Variants in SYT10 observed in about 807,000 individuals in gnomAD.
SYT10 encodes the protein synaptotagmin-10.
SYT10 carries 31 observed loss-of-function variants against 51.1 expected under a neutral mutation model. That is an observed-to-expected ratio of 0.61 (90% confidence interval 0.46 to 0.82). The LOEUF (loss-of-function observed/expected upper bound fraction) is 0.82. SYT10 is among the 40% of genes least tolerant of loss of function. The pLI, the probability that SYT10 is intolerant of heterozygous loss-of-function variation, is 0.00. For missense variants in SYT10, 603 were observed against 634.0 expected (o/e 0.95, Z 0.53); for synonymous variants, 233 against 225.9 (o/e 1.03, Z -0.28).
At chr12:33,420,499 A>G (rs1449639990) in intron 2 of SYT10, among the ~76,000 whole-genome samples, 1 of 151,968 alleles carries the variant, frequency 6.6e-6, no homozygotes, top group African/African-American at 2.4e-5. Flanking sequence ...AAAATAAAAA[A>G]TAATTAGCTG....
intron 2 of SYT10, among the ~76,000 whole-genome samples, chr12:33,409,582 CG>C (rs1866388603): frequency 1.3e-5 from 2 of 151,278 alleles, no homozygotes; most frequent in Admixed American, 1.3e-4. Flanking sequence ...GGCGTGATCT[CG>C]GCTCACTGCG....
In SYT10 at chr12:33,407,039, A is replaced by T. The variant is rs752525618; in HGVS notation, c.827T>A (p.Leu276His). The change falls in exon 3 of 7, where the codon CTT (leucine) becomes CAT (histidine). Residue 276 changes from leucine to histidine, a missense_variant. Leu to His is a moderately conservative substitution (Grantham distance 99). Coordinates refer to ENST00000228567, the MANE Select transcript of SYT10 (RefSeq NM_198992.4). ...TSDPYVKMYLLPDRKKKFQTR... is the reference protein window; with the variant it reads ...TSDPYVKMYLHPDRKKKFQTR... ...CTGAAATTTCTTTTTCCTATCTGGA[A>T]GAAGATACATCTTCACATAAGGGTC... 2 of 1,614,196 alleles carry T rather than the reference A, an allele frequency of 1.2e-6. No homozygotes were observed. The highest frequency in any genetic ancestry group is 1.7e-6 in the Non-Finnish European group (2 of 1,180,014).
chr12:33,382,473 T>G lies in SYT10; in HGVS notation c.1246A>C (p.Lys416Gln), dbSNP rs1480650135. ...TTTTTCTTTGTAGTTGTTTTCCTCT[T>G]TTTTAATCTTCGACCTTCACACATC... Reference protein sequence around the residue: ...SLMCEGRRLKKRKTTTKKNTL... With the variant: ...SLMCEGRRLKQRKTTTKKNTL... Residue 416 changes from lysine (K) to glutamine (Q), a missense_variant, in exon 5 of 7, where the codon AAG becomes CAG. Physicochemically the swap from Lys to Gln is moderately conservative, Grantham distance 53 (BLOSUM62 1). Coordinates refer to ENST00000228567, the MANE Select transcript of SYT10 (RefSeq NM_198992.4). 4.3e-6 allele frequency: 7 copies of G among 1,613,488 alleles called. No homozygotes were observed. Among genetic ancestry groups the G allele is most frequent in the Non-Finnish European group, 5.9e-6 (7 of 1,179,652 alleles).
chr12:33,384,086 C>T (rs1417745088), intron 4 of SYT10, among the ~76,000 whole-genome samples: 1 of 152,132 alleles, frequency 6.6e-6, no homozygotes, highest in Non-Finnish European at 1.5e-5. Flanking sequence ...CATGACATAG[C>T]TCAAAAATCC....
intron 3 of SYT10, among the ~76,000 whole-genome samples, chr12:33,394,548 C>T (rs1020282782): frequency 6.6e-6 from 1 of 152,136 alleles, no homozygotes; most frequent in Admixed American, 6.5e-5. Context: ...GGATAACTGA[C>T]AATTAGAAAC....
intron 3 of SYT10, among the ~76,000 whole-genome samples, chr12:33,386,042 G>A (rs1866153747): frequency 6.6e-6 from 1 of 151,956 alleles, no homozygotes; most frequent in Admixed American, 6.6e-5. Flanking sequence ...TTTGTTTTTT[G>A]AAACAGAGTC....
At chr12:33,414,982 G>T (rs1310533284) in intron 2 of SYT10, among the ~76,000 whole-genome samples, 1 of 152,164 alleles carries the variant, frequency 6.6e-6, no homozygotes, top group African/African-American at 2.4e-5. Flanking sequence ...AGACGGAGCT[G>T]CTCTGGTTGA....
chr12:33,414,233 T>C lies in SYT10; in HGVS notation c.510-6877A>G, dbSNP rs142123295. Among the ~76,000 whole-genome samples the C allele has an allele frequency of 6.3e-3, 960 of 152,234 alleles. 6 individuals carry two copies. The highest frequency in any genetic ancestry group is 0.022 in the African/African-American group (912 of 41,538). On this transcript the variant is annotated intron_variant, in intron 2 of 6. Transcript: ENST00000228567. ...GACTTAGACTCCCCCACAATAATAA[T>C]TGGAGACTTTCACACCGCACTGTCA... is the stretch of plus-strand genomic sequence containing the variant.
chr12:33,437,737 G>A (rs79953424), intron 1 of SYT10, among the ~76,000 whole-genome samples: 2 of 152,136 alleles, frequency 1.3e-5, no homozygotes, highest in Admixed American at 1.3e-4. Flanking sequence ...CACTAAAGAC[G>A]TTTCAGAAAA....
chr12:33,387,747 G>T (rs1338187568), intron 3 of SYT10, among the ~76,000 whole-genome samples: 22 of 122,660 alleles, frequency 1.8e-4, no homozygotes, highest in East Asian at 5.0e-4. Context: ...CTTCTAACAT[G>T]TTTTTTTTTT....
Position 33,436,474 on chromosome 12 carries a change from A to C in SYT10, c.151+2898T>G, listed in dbSNP as rs150058587. On this transcript the variant is annotated intron_variant, in intron 1 of 6. Coordinates refer to ENST00000228567, the MANE Select transcript of SYT10 (RefSeq NM_198992.4). ...CCGATAAACTACGCCAAAAGAGTAAATGAACTTGTGTTGGCAACTTTAGTG... is the reference window on the plus strand; with the variant it reads ...CCGATAAACTACGCCAAAAGAGTAACTGAACTTGTGTTGGCAACTTTAGTG... Among the ~76,000 whole-genome samples, 678 of 152,282 alleles carry C rather than the reference A, an allele frequency of 4.5e-3. 6 individuals are homozygous for C. Among genetic ancestry groups the C allele is most frequent in the Middle Eastern group, 0.014 (4 of 294 alleles).
At chr12:33,429,688 A>T (rs1474909616) in intron 1 of SYT10, among the ~76,000 whole-genome samples, 2 of 152,216 alleles carry the variant, frequency 1.3e-5, no homozygotes, top group African/African-American at 4.8e-5. Context: ...TACTGAAAGA[A>T]AATTCAGAGA....
At chr12:33,393,285 T>G (rs1448582547) in intron 3 of SYT10, among the ~76,000 whole-genome samples, 2 of 152,156 alleles carry the variant, frequency 1.3e-5, no homozygotes, top group Admixed American at 1.3e-4. Flanking sequence ...TCATAACAAC[T>G]CTTCTCTTCC....
chr12:33,439,492 T>C lies in SYT10; in HGVS notation c.31A>G (p.Ser11Gly). The change falls in exon 1 of 7, where the codon AGT (serine) becomes GGT (glycine). Residue 11 changes from serine to glycine, a missense_variant. Physicochemically the swap from Ser to Gly is moderately conservative, Grantham distance 56. Transcript: ENST00000228567. ...ATGTGCAGAGCCTTCTGGCACAGAC[T>C]GTTCACTCCGTCCTCCTTGTGGAAA... MSFHKEDGVN[S>G]LCQKALHIVT... The C allele has an allele frequency of 6.2e-7, 1 of 1,613,836 alleles. No individual in the cohort carries two copies. Among genetic ancestry groups the C allele is most frequent in the South Asian group, 1.1e-5 (1 of 91,032 alleles).
rs78119551 is a variant in SYT10 at position 33,423,859 on chromosome 12, C to T, written c.509+2279G>A. 3.8e-3 allele frequency: 1,640 copies of T among 435,258 alleles called. 22 individuals are homozygous for T. Among genetic ancestry groups the T allele is most frequent in the African/African-American group, 0.032 (1,561 of 49,210 alleles). The allele number at this position is 435,258 out of a possible 1,614,324, so 27.0% of individuals were successfully genotyped here. A position where few individuals can be genotyped will look rare whatever the true frequency, so the allele number is the denominator to read the frequency against. On this transcript the variant is annotated intron_variant, in intron 2 of 6. Coordinates refer to ENST00000228567, the MANE Select transcript of SYT10 (RefSeq NM_198992.4). ...TGACTTCAGGCAAATTTTTAAATCT[C>T]TCTGGGTTTCAGTTAACTCACATGT...
At chr12:33,386,550 C>A (rs148153047) in intron 3 of SYT10, among the ~76,000 whole-genome samples, 16 of 152,054 alleles carry the variant, frequency 1.1e-4, no homozygotes, top group Non-Finnish European at 2.2e-4. Context: ...TGACTTCTTA[C>A]CATGCAGAAC....
chr12:33,401,805 C>T (rs1374802426), intron 3 of SYT10, among the ~76,000 whole-genome samples: 1 of 152,118 alleles, frequency 6.6e-6, no homozygotes, highest in African/African-American at 2.4e-5. Context: ...TACACTTAAT[C>T]TCATATGAAA....
At chr12:33,434,897 C>T (rs1404247086) in intron 1 of SYT10, among the ~76,000 whole-genome samples, 2 of 152,096 alleles carry the variant, frequency 1.3e-5, no homozygotes, top group East Asian at 1.9e-4. Context: ...TAAACAAGCC[C>T]CTGACCTCAA....
intron 1 of SYT10, among the ~76,000 whole-genome samples, chr12:33,438,090 T>C (rs1288518917): frequency 6.6e-6 from 1 of 152,068 alleles, no homozygotes; most frequent in Non-Finnish European, 1.5e-5. Context: ...ATGTAAAAGC[T>C]AAACTAAACC....
Sources: gnomAD v4.1 joint callset for allele counts (sites outside exome capture counted in the v4.1 genomes callset) on GRCh38, gnomAD v4.1.1 for gene constraint, MANE v1.5 for transcripts, NCBI Gene and HGNC (gene_info 2026-07-23, HGNC 2026-07-21) for gene names.